BRD10: variants seen among roughly 807,000 people sequenced by gnomAD.
BRD10 encodes the protein bromodomain containing 10.
the BRD10 span, among the ~76,000 whole-genome samples, chr9:5,880,668 T>C: frequency 6.6e-6 from 1 of 151,574 alleles, no homozygotes; most frequent in African/African-American, 2.4e-5. Context: ...TTCTACCTGA[T>C]CCCTTTCCCT....
At chr9:5,882,822 T>C in the BRD10 span, among the ~76,000 whole-genome samples, 1 of 152,028 alleles carries the variant, frequency 6.6e-6, no homozygotes, top group East Asian at 1.9e-4. Context: ...TGGAATACTA[T>C]GCAGCCATAA....
the BRD10 span, chr9:5,953,994 G>A: frequency 1.5e-5 from 22 of 1,461,480 alleles, no homozygotes; most frequent in Admixed American, 1.0e-4. Context: ...GAAAAATTTC[G>A]AGACAAAGTT....
chr9:5,913,306 C>A, the BRD10 span, among the ~76,000 whole-genome samples: 213 of 152,084 alleles, frequency 1.4e-3, 1 homozygote, highest in African/African-American at 4.8e-3. Flanking sequence ...TATTGCAGAC[C>A]TTCTCAAAAA....
At chr9:5,881,291 T>C in the BRD10 span, among the ~76,000 whole-genome samples, 2 of 152,116 alleles carry the variant, frequency 1.3e-5, no homozygotes, top group Non-Finnish European at 2.9e-5. Context: ...TCTCTGTAAA[T>C]ATAAAAACTA....
chr9:5,908,704 C>G, the BRD10 span: 3 of 1,613,760 alleles, frequency 1.9e-6, no homozygotes, highest in Non-Finnish European at 2.5e-6. Flanking sequence ...CCTTATTCAC[C>G]TTAAGAGCCA....
At chr9:5,882,971 G>A in the BRD10 span, among the ~76,000 whole-genome samples, 3 of 152,170 alleles carry the variant, frequency 2.0e-5, no homozygotes, top group Admixed American at 6.5e-5. Flanking sequence ...AGAACACTTG[G>A]ACACAGGAAG....
the BRD10 span, among the ~76,000 whole-genome samples, chr9:5,927,843 T>A: frequency 6.6e-6 from 1 of 152,150 alleles, no homozygotes; most frequent in Non-Finnish European, 1.5e-5. Flanking sequence ...TCTTTTCTTC[T>A]CTATCTATGC....
the BRD10 span, chr9:5,928,935 G>A: frequency 1.7e-6 from 1 of 581,570 alleles, no homozygotes; most frequent in South Asian, 2.8e-5. Flanking sequence ...AAAAATATCT[G>A]CCGAATTACA....
the BRD10 span, among the ~76,000 whole-genome samples, chr9:5,933,049 C>T: frequency 2.0e-5 from 3 of 152,126 alleles, no homozygotes; most frequent in Non-Finnish European, 4.4e-5. Context: ...GACTCTTTCT[C>T]TATACTGATT....
chr9:5,961,296 A>G, the BRD10 span, among the ~76,000 whole-genome samples: 4 of 152,204 alleles, frequency 2.6e-5, no homozygotes, highest in Non-Finnish European at 5.9e-5. Flanking sequence ...AACAAGTCAC[A>G]AGATAATGGG....
the BRD10 span, among the ~76,000 whole-genome samples, chr9:5,951,772 C>T: frequency 1.3e-5 from 2 of 151,548 alleles, no homozygotes; most frequent in Non-Finnish European, 2.9e-5. Flanking sequence ...TTACTAGTGA[C>T]TAGCACTATC....
At chr9:5,988,237 C>CT in the BRD10 span, 1 of 741,152 alleles carries the variant, frequency 1.3e-6, no homozygotes, top group Non-Finnish European at 2.2e-6. Context: ...TGAATTCATA[C>CT]TTTTGTAACA....
the BRD10 span, among the ~76,000 whole-genome samples, chr9:5,991,180 G>GTATATATA: frequency 6.7e-6 from 1 of 150,226 alleles, no homozygotes; most frequent in East Asian, 2.0e-4. Flanking sequence ...GTGTGTGTGT[G>GTATATATA]TATATATATA....
At chr9:5,950,681 G>T in the BRD10 span, among the ~76,000 whole-genome samples, 3 of 152,086 alleles carry the variant, frequency 2.0e-5, no homozygotes, top group African/African-American at 7.2e-5. Flanking sequence ...GCACACATTT[G>T]GTTAGACCCT....
chr9:5,980,025 A>C, the BRD10 span, among the ~76,000 whole-genome samples: 1 of 151,818 alleles, frequency 6.6e-6, no homozygotes, highest in East Asian at 1.9e-4. Flanking sequence ...AAAAAAAAAA[A>C]AAAGAAAAAA....
chr9:5,955,512 A>G, the BRD10 span, among the ~76,000 whole-genome samples: 12 of 152,214 alleles, frequency 7.9e-5, no homozygotes, highest in Non-Finnish European at 1.3e-4. Flanking sequence ...AACTCAATTG[A>G]CACAATTCCA....
At chr9:5,897,804 T>G in the BRD10 span, 1 of 710,836 alleles carries the variant, frequency 1.4e-6, no homozygotes, top group East Asian at 2.7e-5. Context: ...ACATTGTACT[T>G]TGGCAACTCT....
At chr9:5,970,031 G>A in the BRD10 span, among the ~76,000 whole-genome samples, 2 of 152,114 alleles carry the variant, frequency 1.3e-5, no homozygotes, top group Non-Finnish European at 2.9e-5. Flanking sequence ...AAGCACAGTA[G>A]AATTTGATTA....
At chr9:5,991,765 C>T in the BRD10 span, among the ~76,000 whole-genome samples, 2 of 150,808 alleles carry the variant, frequency 1.3e-5, no homozygotes, top group Admixed American at 6.6e-5. Flanking sequence ...GATGCCACTA[C>T]CTTGCTCTGT....
Sources: allele counts gnomAD v4.1 joint callset (sites outside exome capture counted in the v4.1 genomes callset), GRCh38; gene constraint gnomAD v4.1.1; transcripts MANE v1.5; gene names NCBI Gene and HGNC (gene_info 2026-07-23, HGNC 2026-07-21).